Variants in NRXN3 observed in about 807,000 individuals in gnomAD.
The protein encoded by NRXN3 is neurexin III.
Under a neutral mutation model 137.6 loss-of-function variants are expected in NRXN3, and 32 were observed. The ratio of observed to expected loss-of-function variants is 0.23; its 90% CI spans 0.18 to 0.31. NRXN3 has a LOEUF of 0.31. Among genes scored for constraint, NRXN3 ranks in the 10% least tolerant of loss-of-function variants. The pLI is 1.00. For synonymous variants in NRXN3, 798 were observed against 784.5 expected, an observed-to-expected ratio of 1.02 and a Z score of -0.29; for missense variants, 1,574 against 2,062.5, an observed-to-expected ratio of 0.76 and a Z score of 4.59.
intron 20 of NRXN3, among the ~76,000 whole-genome samples, chr14:79,845,652 C>T (rs1292434724): frequency 2.9e-5 from 2 of 69,736 alleles, no homozygotes; most frequent in African/African-American, 1.4e-4. Context: ...GGGAGAGAGA[C>T]GGAGACGGGG....
At chr14:78,386,012 G>A (rs1363570263) in intron 4 of NRXN3, among the ~76,000 whole-genome samples, 1 of 151,926 alleles carries the variant, frequency 6.6e-6, no homozygotes, top group African/African-American at 2.4e-5. Flanking sequence ...CTTCTATAAG[G>A]AGCTCTAAGG....
intron 8 of NRXN3, among the ~76,000 whole-genome samples, chr14:78,766,625 C>T (rs934825756): frequency 3.9e-5 from 6 of 152,142 alleles, no homozygotes; most frequent in African/African-American, 1.2e-4. Flanking sequence ...GATTCCATGC[C>T]TCACCTTTGT....
At chr14:79,643,262 A>G (rs1467057864) in intron 16 of NRXN3, among the ~76,000 whole-genome samples, 2 of 135,786 alleles carry the variant, frequency 1.5e-5, no homozygotes, top group South Asian at 2.3e-4. Context: ...ATCTCACCAC[A>G]TCACAGTATA....
At chr14:79,734,354 C>T (rs1235160781) in intron 19 of NRXN3, among the ~76,000 whole-genome samples, 1 of 152,140 alleles carries the variant, frequency 6.6e-6, no homozygotes, top group Admixed American at 6.5e-5. Context: ...ACTGAACTGT[C>T]ATGACATTTA....
intron 4 of NRXN3, among the ~76,000 whole-genome samples, chr14:78,595,435 A>T (rs1164989241): frequency 6.6e-6 from 1 of 152,196 alleles, no homozygotes; most frequent in Non-Finnish European, 1.5e-5. Flanking sequence ...CCAGGCACAC[A>T]GTAACTCTGC....
intron 15 of NRXN3, among the ~76,000 whole-genome samples, chr14:79,119,763 C>T (rs2055094536): frequency 6.6e-6 from 1 of 151,976 alleles, no homozygotes; most frequent in Non-Finnish European, 1.5e-5. Flanking sequence ...TTCATTTTTT[C>T]TAATACTGTT....
At chr14:79,396,954 A>G (rs2095044796) in intron 15 of NRXN3, among the ~76,000 whole-genome samples, 1 of 152,174 alleles carries the variant, frequency 6.6e-6, no homozygotes, top group Admixed American at 6.5e-5. Context: ...CAGGGAATAA[A>G]ATAGAGATTC....
rs541990758 is a variant in NRXN3, at chr14:79,254,864, C to G, written c.3263-212357C>G. On this transcript the variant is annotated intron_variant, in intron 15 of 20. Coordinates refer to ENST00000335750, the MANE Select transcript of NRXN3 (RefSeq NM_001330195.2). The stretch of plus-strand genomic sequence containing the variant: ...TTCTTTCCTTCCTTTCTCCCTTTCT[C>G]CCTTCCTCCCTCCAACTCTTCCTCC... Among the ~76,000 whole-genome samples the G allele has an allele frequency of 7.0e-3, 1,013 of 143,818 alleles. 9 individuals are homozygous for G. Among genetic ancestry groups the G allele is most frequent in the African/African-American group, 0.024 (953 of 39,750 alleles). 94.4% of individuals were successfully genotyped at this position (143,818 alleles called of 152,430 possible). A position where few individuals can be genotyped will look rare whatever the true frequency, so the allele number is the denominator to read the frequency against.
At chr14:79,432,899 C>T (rs1221922420) in intron 15 of NRXN3, among the ~76,000 whole-genome samples, 8 of 152,178 alleles carry the variant, frequency 5.3e-5, no homozygotes, top group Non-Finnish European at 8.8e-5. Flanking sequence ...TTTCACACTG[C>T]AGTAAATGTA....
intron 4 of NRXN3, among the ~76,000 whole-genome samples, chr14:78,304,128 A>G (rs2077134130): frequency 6.6e-6 from 1 of 152,132 alleles, no homozygotes; most frequent in Non-Finnish European, 1.5e-5. Flanking sequence ...CATGACCCCA[A>G]ATCACTGAGC....
At chr14:79,722,851 G>A (rs2098849933) in intron 19 of NRXN3, among the ~76,000 whole-genome samples, 1 of 152,136 alleles carries the variant, frequency 6.6e-6, no homozygotes, top group South Asian at 2.1e-4. Flanking sequence ...TGGATAGATG[G>A]ATGGATGGGT....
At chr14:79,010,952 A>G (rs1238152736) in intron 15 of NRXN3, among the ~76,000 whole-genome samples, 1 of 152,136 alleles carries the variant, frequency 6.6e-6, no homozygotes, top group East Asian at 1.9e-4. Flanking sequence ...TGACCATACC[A>G]TCTTCCCAGA....
intron 11 of NRXN3, among the ~76,000 whole-genome samples, chr14:78,959,429 T>C (rs112944696): frequency 1.3e-5 from 2 of 152,154 alleles, no homozygotes; most frequent in African/African-American, 2.4e-5. Context: ...CATAAGAAAA[T>C]AATTTATCTT....
At chr14:79,009,217 G>T (rs2099565179) in intron 15 of NRXN3, among the ~76,000 whole-genome samples, 1 of 152,044 alleles carries the variant, frequency 6.6e-6, no homozygotes, top group Non-Finnish European at 1.5e-5. Flanking sequence ...TCAATATCTG[G>T]AACAACACCA....
At chr14:79,094,219 G>T (rs2049804346) in intron 15 of NRXN3, among the ~76,000 whole-genome samples, 1 of 152,188 alleles carries the variant, frequency 6.6e-6, no homozygotes, top group Non-Finnish European at 1.5e-5. Flanking sequence ...GTCCTAAGCA[G>T]TGGGGTAGAG....
intron 15 of NRXN3, among the ~76,000 whole-genome samples, chr14:79,283,492 A>G (rs2081636258): frequency 6.6e-6 from 1 of 152,064 alleles, no homozygotes; most frequent in Admixed American, 6.6e-5. Flanking sequence ...TTTTACCTAC[A>G]CTTTTGCCTG....
chr14:79,672,329 T>G (rs978824658), intron 17 of NRXN3, among the ~76,000 whole-genome samples: 1 of 152,168 alleles, frequency 6.6e-6, no homozygotes, highest in Non-Finnish European at 1.5e-5. Context: ...AATTAAAAAT[T>G]TGAGGGTCAC....
chr14:79,007,966 A>T (rs78968236), intron 15 of NRXN3, among the ~76,000 whole-genome samples: 2,725 of 152,060 alleles, frequency 0.018, 82 homozygotes, highest in African/African-American at 0.061. Context: ...TGTGGCTTAG[A>T]AGGTTTAAGC....
At chr14:79,657,178 G>A (rs182418877) in intron 16 of NRXN3, among the ~76,000 whole-genome samples, 27 of 152,136 alleles carry the variant, frequency 1.8e-4, no homozygotes, top group African/African-American at 3.9e-4. Flanking sequence ...TCTTGTCTTC[G>A]TTATCGTTTT....
Sources: gnomAD v4.1 joint callset for allele counts (sites outside exome capture counted in the v4.1 genomes callset) on GRCh38, gnomAD v4.1.1 for gene constraint, MANE v1.5 for transcripts, NCBI Gene and HGNC (gene_info 2026-07-23, HGNC 2026-07-21) for gene names.